The following SPIRE2 variants were observed in gnomAD, a reference collection of about 807,000 sequenced individuals.
The protein encoded by SPIRE2 is protein spire homolog 2.
In SPIRE2, 76 loss-of-function variants were observed where a neutral mutation model predicts 80.7. The observed-to-expected ratio is 0.94, with a 90% CI of 0.78 to 1.14. SPIRE2 has a LOEUF of 1.14. SPIRE2 is among the 50% of genes most tolerant of loss of function. The probability of loss-of-function intolerance (pLI) is 0.00; values close to 1 mark genes in which losing one functional copy is unlikely to be tolerated. For synonymous variants in SPIRE2, 535 were observed against 432.6 expected (o/e 1.24, Z -2.94); for missense variants, 1,196 against 1,015.3 (o/e 1.18, Z -2.42).
intron 2 of SPIRE2, 133 bp downstream of exon 2, chr16:89,845,498 G>T: frequency 2.4e-6 from 2 of 841,076 alleles, no homozygotes; most frequent in East Asian, 2.6e-5. Flanking sequence ...GTACCCAACA[G>T]GCTTAGTTGC....
At position 89,870,149 on chromosome 16, in the gene SPIRE2, C is replaced by T. The variant is rs1412672779; in HGVS notation, c.2022C>T (p.Ser674=). ...VLKDVCSECT[S]FVADVVRSSR... is the part of the protein sequence containing the mutation. ...AGGATGTCTGCAGTGAGTGCACCAG[C>T]TTTGTGGCAGACGTGGTGCGTTCCA... The change falls in exon 15 of 15, where the codon AGC becomes AGT. Residue 674 remains serine (S), a synonymous_variant. Transcript: ENST00000378247. 1.2e-6 allele frequency: 2 copies of T among 1,612,482 alleles called. No homozygotes were observed. Among genetic ancestry groups the T allele is most frequent in the Admixed American group, 3.3e-5 (2 of 59,768 alleles).
Position 89,863,619 on chromosome 16 carries a change from G to T in SPIRE2, c.1710+9G>T. 6.2e-7 allele frequency: 1 copy of T among 1,614,094 alleles called. No homozygotes were observed. The highest frequency in any genetic ancestry group is 1.7e-5 in the Admixed American group (1 of 60,030). On this transcript the variant is annotated intron_variant, in intron 11 of 14. Coordinates refer to ENST00000378247, the MANE Select transcript of SPIRE2 (RefSeq NM_032451.2). This position sits in a 1 kb window ranked among gnomAD's most constrained non-coding sequence, Gnocchi z 4.3. ...GTCTGAAGAAGGGGAAGGTGAGGCT[G>T]CCTAGACGTGGGGCTACGCTCTTGC... is the stretch of plus-strand genomic sequence containing the variant.
At chr16:89,832,944 C>T (rs1029575527) in intron 1 of SPIRE2, among the ~76,000 whole-genome samples, 1 of 151,894 alleles carries the variant, frequency 6.6e-6, no homozygotes, top group Admixed American at 6.6e-5. Flanking sequence ...GCCTCAGCCT[C>T]CCAAGTAGCT....
intron 2 of SPIRE2, among the ~76,000 whole-genome samples, chr16:89,848,342 AGAGAT>A (rs1342429253): frequency 6.6e-6 from 1 of 152,252 alleles, no homozygotes; most frequent in African/African-American, 2.4e-5. Context: ...CGCCTACAGC[AGAGAT>A]GAGATAACAG....
chr16:89,828,621 TG>T lies in SPIRE2; in HGVS notation c.73del (p.Glu25ArgfsTer4). The part of the protein sequence containing the change: ...AGRPEPWELS[L>X]EEVLKAYEQP... The stretch of plus-strand genomic sequence containing the variant: ...CGGCCGGAGCCCTGGGAGCTGTCCC[TG>T]GAGGAGGTGCTGAAGGCCTACGAGC... On this transcript the variant is annotated frameshift_variant, in exon 1 of 15. Coordinates refer to ENST00000378247, the MANE Select transcript of SPIRE2 (RefSeq NM_032451.2). LOFTEE classifies it high-confidence loss of function. This position sits in a 1 kb window ranked among gnomAD's most constrained non-coding sequence, Gnocchi z 5.9. 7.5e-7 allele frequency: 1 copy of T among 1,327,724 alleles called. No individual in the cohort carries two copies. The highest frequency in any genetic ancestry group is 1.7e-5 in the South Asian group (1 of 58,956). 82.2% of individuals were successfully genotyped at this position (1,327,724 alleles called of 1,614,324 possible). A position where few individuals can be genotyped will look rare whatever the true frequency, so the allele number is the denominator to read the frequency against.
At chr16:89,845,032 C>T (rs533801758) in intron 1 of SPIRE2, among the ~76,000 whole-genome samples, 23 of 152,306 alleles carry the variant, frequency 1.5e-4, no homozygotes, top group African/African-American at 5.3e-4. Flanking sequence ...GGGGCTGCTG[C>T]GTGGGGCACT....
chr16:89,834,400 A>T (rs148297554), intron 1 of SPIRE2, among the ~76,000 whole-genome samples: 151 of 135,574 alleles, frequency 1.1e-3, no homozygotes, highest in African/African-American at 3.5e-3. Flanking sequence ...GCCCGTGTGA[A>T]TCTGTGAACC....
chr16:89,858,425 G>C lies in SPIRE2; in HGVS notation c.1190G>C (p.Gly397Ala). The change falls in exon 8 of 15, where the codon GGG (glycine) becomes GCG (alanine). Residue 397 changes from glycine to alanine, a missense_variant. Coordinates refer to ENST00000378247, the MANE Select transcript of SPIRE2 (RefSeq NM_032451.2). ...ATCAACCTGTCAGTCACAGATGCTG[G>C]GGGCAGCGCCCAGCGCCCGCGGCCC... is the stretch of plus-strand genomic sequence containing the variant. Reference protein sequence around the residue: ...SCINLSVTDAGGSAQRPRPRV... With the variant: ...SCINLSVTDAAGSAQRPRPRV... The C allele has an allele frequency of 2.5e-6, 4 of 1,611,966 alleles. No homozygotes were observed. Among genetic ancestry groups the C allele is most frequent in the Non-Finnish European group, 3.4e-6 (4 of 1,179,558 alleles).
chr16:89,840,886 C>T (rs907766667), intron 1 of SPIRE2, among the ~76,000 whole-genome samples: 1 of 152,018 alleles, frequency 6.6e-6, no homozygotes, highest in East Asian at 1.9e-4. Context: ...ATCCGCCTGC[C>T]TCGGCCTCCC....
intron 6 of SPIRE2, 191 bp from the exon 7 acceptor site, chr16:89,855,922 A>G (rs948455903): frequency 1.8e-6 from 2 of 1,099,824 alleles, no homozygotes; most frequent in Non-Finnish European, 2.5e-6. Flanking sequence ...ACCCCACCCC[A>G]GGTGCATGCG....
intron 1 of SPIRE2, chr16:89,836,131 C>T (rs1034290533): frequency 2.2e-6 from 1 of 448,992 alleles, no homozygotes; most frequent in Non-Finnish European, 4.5e-6. Flanking sequence ...GTCGAGATTG[C>T]GCCACTGCCC....
chr16:89,835,205 C>CCTG (rs1416735215), intron 1 of SPIRE2, among the ~76,000 whole-genome samples: 1 of 144,162 alleles, frequency 6.9e-6, no homozygotes, highest in Non-Finnish European at 1.5e-5. Flanking sequence ...TGTGAACCTG[C>CCTG]CTGCGCTCGC....
chr16:89,859,689 G>T (rs1012130267), intron 9 of SPIRE2, among the ~76,000 whole-genome samples: 4 of 152,292 alleles, frequency 2.6e-5, no homozygotes, highest in Non-Finnish European at 4.4e-5. Flanking sequence ...GAAGGGAGCC[G>T]TGTGTCCGTG....
chr16:89,849,774 G>A (rs1332858304), intron 2 of SPIRE2: 1 of 243,476 alleles, frequency 4.1e-6, no homozygotes, highest in South Asian at 4.4e-5. Context: ...AAGTAAAATC[G>A]AGAAATGCTG....
chr16:89,850,647 G>C lies in SPIRE2; in HGVS notation c.632G>C (p.Arg211Pro), dbSNP rs932180742. Residue 211 changes from arginine (R) to proline (P), a missense_variant, in exon 3 of 15, where the codon CGG (arginine) becomes CCG (proline). Arg to Pro is a moderately radical substitution (Grantham distance 103, BLOSUM62 -2). Coordinates refer to ENST00000378247, the MANE Select transcript of SPIRE2 (RefSeq NM_032451.2). ...LELRAFLARV[R>P]EAKEMLQKLR... ...CTGCGGGCCTTCCTGGCCAGGGTCC[G>C]GGAGGCCAAGGAGGTGAGCGGTGGG... 1.3e-6 allele frequency: 2 copies of C among 1,500,408 alleles called. No individual in the cohort carries two copies. The highest frequency in any genetic ancestry group is 1.3e-5 in the South Asian group (1 of 78,854). The allele number at this position is 1,500,408 out of a possible 1,614,324, so 92.9% of individuals were successfully genotyped here. A position where few individuals can be genotyped will look rare whatever the true frequency, so the allele number is the denominator to read the frequency against.
At chr16:89,833,031 C>G (rs967416356) in intron 1 of SPIRE2, among the ~76,000 whole-genome samples, 5 of 148,434 alleles carry the variant, frequency 3.4e-5, no homozygotes, top group Admixed American at 1.4e-4. Context: ...CGCTCTGTTG[C>G]CTAGGCTGGA....
At chr16:89,839,071 G>A (rs538888177) in intron 1 of SPIRE2, among the ~76,000 whole-genome samples, 1 of 152,198 alleles carries the variant, frequency 6.6e-6, no homozygotes, top group Admixed American at 6.5e-5. Flanking sequence ...GCTGGGCGCT[G>A]TGGCTCACGC....
In SPIRE2 at chr16:89,850,209, C is replaced by G. The variant is rs925666595; in HGVS notation, c.289-95C>G. Reference sequence around the variant, plus strand: ...TTGTGGACCGACAGCTGCTGTCTCCCTGGCCGGGTGCTGGGCCCTCTGCAC... The same window carrying G: ...TTGTGGACCGACAGCTGCTGTCTCCGTGGCCGGGTGCTGGGCCCTCTGCAC... On this transcript the variant is annotated intron_variant, in intron 2 of 14. Transcript: ENST00000378247. 8 of 1,013,626 alleles carry G rather than the reference C, an allele frequency of 7.9e-6. No homozygotes were observed. In the African/African-American group the frequency reaches 7.9e-5, roughly 10 times the overall value. The allele number at this position is 1,013,626 out of a possible 1,614,324, so 62.8% of individuals were successfully genotyped here. A position where few individuals can be genotyped will look rare whatever the true frequency, so the allele number is the denominator to read the frequency against.
intron 8 of SPIRE2, 72 bp downstream of exon 8, chr16:89,858,579 T>C: frequency 7.0e-7 from 1 of 1,421,024 alleles, no homozygotes; most frequent in Non-Finnish European, 9.3e-7. Flanking sequence ...TGAGAAGGGC[T>C]AAGCTAAGCC....
Sources: gnomAD v4.1 joint callset for allele counts (sites outside exome capture counted in the v4.1 genomes callset) on GRCh38, gnomAD v4.1.1 for gene constraint, Gnocchi (gnomAD v3.1) non-coding constraint, MANE v1.5 for transcripts, NCBI Gene and HGNC (gene_info 2026-07-23, HGNC 2026-07-21) for gene names.